TSHZ3: variants seen among roughly 807,000 people sequenced by gnomAD.
TSHZ3 encodes the protein teashirt homolog 3.
A neutral mutation model predicts 64.5 loss-of-function variants in TSHZ3; 10 were observed. The observed-to-expected ratio is 0.16, with a 90% CI of 0.10 to 0.26. The LOEUF is 0.26. Ranked by LOEUF, TSHZ3 falls within the 10% of genes least tolerant of loss-of-function variation. TSHZ3 has a pLI of 1.00. For missense variants in TSHZ3, 1,242 were observed against 1,421.7 expected (o/e 0.87, Z 2.03); for synonymous variants, 608 against 593.1 (o/e 1.03, Z -0.36).
chr19:31,329,925 G>A (rs1364386338), intron 1 of TSHZ3, among the ~76,000 whole-genome samples: 1 of 152,072 alleles, frequency 6.6e-6, no homozygotes, highest in Admixed American at 6.5e-5. Flanking sequence ...CACCAAGTAT[G>A]AACCACTCCT....
At chr19:31,166,785 G>A (rs895163128) in intron 5 of TSHZ3, among the ~76,000 whole-genome samples, 16 of 152,104 alleles carry the variant, frequency 1.1e-4, no homozygotes, top group Non-Finnish European at 2.4e-4. Flanking sequence ...TGCCCCTACG[G>A]CATGCAAAAA....
In TSHZ3 at chr19:31,277,548, T is replaced by C. The variant is rs956813009; in HGVS notation, c.2245A>G (p.Met749Val). Residue 749 changes from methionine (M) to valine (V), a missense_variant, in exon 2 of 2, where the codon ATG (methionine) becomes GTG (valine). This residue lies in a region of TSHZ3 where 550 missense variants were observed against 545.1 expected (regional missense o/e 1.01). Coordinates refer to ENST00000240587, the MANE Select transcript of TSHZ3 (RefSeq NM_020856.4). The surrounding 1 kb of genome is among the most constrained non-coding windows in gnomAD (Gnocchi z 4.5). Reference sequence around the variant, plus strand: ...AGGCTGTTGCTCATCTTGAAAAGCATGCTCATGGGGTCCAGGGCAGGCAGG... The same window carrying C: ...AGGCTGTTGCTCATCTTGAAAAGCACGCTCATGGGGTCCAGGGCAGGCAGG... The part of the protein sequence containing the change: ...PSLPALDPMS[M>V]LFKMSNSLAE... The C allele has an allele frequency of 6.2e-7, 1 of 1,601,626 alleles. No individual in the cohort carries two copies.
intron 1 of TSHZ3, among the ~76,000 whole-genome samples, chr19:31,316,011 G>C (rs1319989462): frequency 1.3e-5 from 2 of 152,148 alleles, no homozygotes; most frequent in African/African-American, 4.8e-5. Context: ...ACTTGGGAGA[G>C]AGTGGCAAGG....
At chr19:31,272,047 GA>G (rs879453996), downstream of TSHZ3, among the ~76,000 whole-genome samples, 16 of 151,672 alleles carry the variant, frequency 1.1e-4, no homozygotes, top group African/African-American at 2.9e-4. Context: ...ATGAATTTGA[GA>G]AAAAAAATCA....
At chr19:31,326,593 C>A (rs1405799509) in intron 1 of TSHZ3, among the ~76,000 whole-genome samples, 1 of 152,252 alleles carries the variant, frequency 6.6e-6, no homozygotes, top group Non-Finnish European at 1.5e-5. Context: ...GTGCTGACCT[C>A]CCCTCATCTA....
At chr19:31,174,831 A>G (rs1974585722) in intron 5 of TSHZ3, among the ~76,000 whole-genome samples, 1 of 152,254 alleles carries the variant, frequency 6.6e-6, no homozygotes, top group Non-Finnish European at 1.5e-5. Flanking sequence ...GAGTGGGACC[A>G]GGAGAGAGAT....
intron 1 of TSHZ3, among the ~76,000 whole-genome samples, chr19:31,267,374 C>T (rs1976068158): frequency 6.6e-6 from 1 of 152,152 alleles, no homozygotes; most frequent in African/African-American, 2.4e-5. Flanking sequence ...ATAGGACCTC[C>T]ATGTTCAAAT....
chr19:31,152,858 T>G (rs1269495438), intron 6 of TSHZ3, among the ~76,000 whole-genome samples: 1 of 152,140 alleles, frequency 6.6e-6, no homozygotes, highest in Admixed American at 6.5e-5. Flanking sequence ...ATGCCTTGAA[T>G]GGAAGCAACT....
intron 1 of TSHZ3, among the ~76,000 whole-genome samples, chr19:31,318,264 G>A (rs1916661995): frequency 2.0e-5 from 3 of 151,882 alleles, no homozygotes; most frequent in Admixed American, 6.6e-5. Flanking sequence ...TGTCTGATAG[G>A]AGCCTCATTG....
intron 1 of TSHZ3, among the ~76,000 whole-genome samples, chr19:31,330,005 G>A (rs1222734173): frequency 6.6e-6 from 1 of 152,036 alleles, no homozygotes; most frequent in Non-Finnish European, 1.5e-5. Context: ...ATTATAACTG[G>A]TTTCCTCAAG....
Position 31,278,066 on chromosome 19 carries a change from A to T in TSHZ3, c.1727T>A (p.Met576Lys). Reference sequence around the variant, plus strand: ...GGAGACAATCTCACTGTTGCCAAACATGGGTTTCAGGGGCGTGCTCTTCCC... The same window carrying T: ...GGAGACAATCTCACTGTTGCCAAACTTGGGTTTCAGGGGCGTGCTCTTCCC... ...SSGKSTPLKP[M>K]FGNSEIVSPT... The change falls in exon 2 of 2, where the codon ATG becomes AAG. Residue 576 changes from methionine to lysine, a missense_variant. Coordinates refer to ENST00000240587, the MANE Select transcript of TSHZ3 (RefSeq NM_020856.4). This position sits in a 1 kb window ranked among gnomAD's most constrained non-coding sequence, Gnocchi z 4.7. 6.2e-7 allele frequency: 1 copy of T among 1,613,706 alleles called. No individual in the cohort carries two copies. The highest frequency in any genetic ancestry group is 8.5e-7 in the Non-Finnish European group (1 of 1,179,686).
chr19:31,258,513 G>A (rs558013573), intron 1 of TSHZ3, among the ~76,000 whole-genome samples: 3 of 152,208 alleles, frequency 2.0e-5, no homozygotes, highest in South Asian at 2.1e-4. Flanking sequence ...GGTTTTCTCC[G>A]CAGCCAGCAG....
intron 5 of TSHZ3, among the ~76,000 whole-genome samples, chr19:31,179,861 T>TGGG (rs1974683565): frequency 6.6e-6 from 1 of 151,902 alleles, no homozygotes; most frequent in South Asian, 2.1e-4. Flanking sequence ...GTAAAGATGG[T>TGGG]GGTGATGATG....
chr19:31,298,434 G>A (rs1213878474), intron 1 of TSHZ3, among the ~76,000 whole-genome samples: 1 of 152,020 alleles, frequency 6.6e-6, no homozygotes, highest in Non-Finnish European at 1.5e-5. Context: ...TGACCCCATA[G>A]AAGAGCCGAC....
chr19:31,156,918 G>T (rs1974312608), intron 5 of TSHZ3, among the ~76,000 whole-genome samples: 2 of 152,152 alleles, frequency 1.3e-5, no homozygotes, highest in African/African-American at 4.8e-5. Context: ...GATGGGGCTG[G>T]CAGGCCACTT....
At chr19:31,228,639 A>C (rs1975502643) in intron 3 of TSHZ3, among the ~76,000 whole-genome samples, 1 of 152,146 alleles carries the variant, frequency 6.6e-6, no homozygotes, top group South Asian at 2.1e-4. Context: ...GCTTAGGGTC[A>C]AACTTTCTTC....
In TSHZ3 at chr19:31,276,782, C is replaced by T. The variant is rs373245209; in HGVS notation, c.3011G>A (p.Arg1004Gln). The T allele has an allele frequency of 7.4e-6, 12 of 1,614,086 alleles. No individual in the cohort carries two copies. The highest frequency in any genetic ancestry group is 4.4e-5 in the South Asian group (4 of 91,072). The change falls in exon 2 of 2, where the codon CGG becomes CAG. Residue 1004 changes from arginine to glutamine, a missense_variant. Physicochemically the swap from Arg to Gln is conservative, Grantham distance 43 (BLOSUM62 1). This residue lies in a region of TSHZ3 where 126 missense variants were observed against 140.6 expected (regional missense o/e 0.90). Coordinates refer to ENST00000240587, the MANE Select transcript of TSHZ3 (RefSeq NM_020856.4). The part of the protein sequence containing the change: ...HLESHLGFRL[R>Q]DLSKLSTEQI... The stretch of plus-strand genomic sequence containing the variant: ...TTCGGTGGACAGTTTGGATAAGTCC[C>T]GTAGCCGGAAGCCTAAGTGTGACTC...
At chr19:31,319,669 C>T (rs955719644) in intron 1 of TSHZ3, among the ~76,000 whole-genome samples, 38 of 152,244 alleles carry the variant, frequency 2.5e-4, no homozygotes, top group Middle Eastern at 3.4e-3. Context: ...AAAGTTTCTA[C>T]TAGAACACTG....
At chr19:31,262,619 T>A (rs945768804) in intron 1 of TSHZ3, among the ~76,000 whole-genome samples, 4 of 152,250 alleles carry the variant, frequency 2.6e-5, no homozygotes, top group African/African-American at 9.6e-5. Context: ...AATGTTTTTT[T>A]ATCCCTGTTT....
Sources: gnomAD v4.1 joint callset for allele counts (sites outside exome capture counted in the v4.1 genomes callset) on GRCh38, gnomAD v4.1.1 for gene constraint, gnomAD v4.1.1 regional missense constraint, Gnocchi (gnomAD v3.1) non-coding constraint, MANE v1.5 for transcripts, NCBI Gene and HGNC (gene_info 2026-07-23, HGNC 2026-07-21) for gene names.